Variants in RGS12 observed in about 807,000 individuals in gnomAD.
RGS12 encodes the protein regulator of G-protein signaling 12.
Under a neutral mutation model 120.1 loss-of-function variants are expected in RGS12, and 66 were observed. The observed-to-expected ratio is 0.55, with a 90% CI of 0.45 to 0.67. The LOEUF is 0.67. Among genes scored for constraint, RGS12 ranks in the 30% least tolerant of loss-of-function variants. RGS12 has a pLI of 0.00. For synonymous variants in RGS12, 827 were observed against 804.7 expected (o/e 1.03, Z -0.47); for missense variants, 1,859 against 1,957.7 (o/e 0.95, Z 0.95).
intron 1 of RGS12, among the ~76,000 whole-genome samples, chr4:3,310,828 G>A (rs867850012): frequency 3.9e-5 from 6 of 152,272 alleles, no homozygotes; most frequent in Admixed American, 6.5e-5. Flanking sequence ...AGAAGGTGGC[G>A]TGGTGTCTTG....
intron 13 of RGS12, 23 bp from the exon 14 acceptor site, chr4:3,425,441 T>C: frequency 3.8e-6 from 6 of 1,594,200 alleles, no homozygotes; most frequent in African/African-American, 1.3e-5. Context: ...GGGTAAATTA[T>C]TCAGTGCTGA....
chr4:3,407,802 T>C (rs950176629), intron 4 of RGS12, among the ~76,000 whole-genome samples: 10 of 152,224 alleles, frequency 6.6e-5, no homozygotes, highest in African/African-American at 2.4e-4. Context: ...GGGCCGTGTG[T>C]TACAGAACTA....
chr4:3,335,837 C>T (rs1277836083), intron 2 of RGS12, among the ~76,000 whole-genome samples: 3 of 152,134 alleles, frequency 2.0e-5, no homozygotes, highest in African/African-American at 7.2e-5. Flanking sequence ...TACCTGTAAT[C>T]CCAGCACTTT....
intron 2 of RGS12, among the ~76,000 whole-genome samples, chr4:3,318,928 G>T (rs1242741203): frequency 6.6e-6 from 1 of 152,220 alleles, no homozygotes; most frequent in African/African-American, 2.4e-5. Context: ...TTGTTTCAGA[G>T]AAACTACTCC....
intron 1 of RGS12, among the ~76,000 whole-genome samples, chr4:3,309,431 A>T (rs373546196): frequency 6.7e-5 from 6 of 89,060 alleles, no homozygotes; most frequent in African/African-American, 1.8e-4. Context: ...GGAACCGTGC[A>T]GGGGAGGAGC....
chr4:3,395,228 A>G (rs1719931856), intron 4 of RGS12, among the ~76,000 whole-genome samples: 1 of 151,620 alleles, frequency 6.6e-6, no homozygotes, highest in African/African-American at 2.4e-5. Context: ...AAAAAGACTC[A>G]ACGCAGCGTA....
intron 4 of RGS12, among the ~76,000 whole-genome samples, chr4:3,406,045 T>G (rs1412371590): frequency 6.6e-6 from 1 of 152,154 alleles, no homozygotes; most frequent in Non-Finnish European, 1.5e-5. Flanking sequence ...GCACTGATAG[T>G]GCCTACATCT....
At chr4:3,438,049 T>G (rs998368753) in intron 17 of RGS12, among the ~76,000 whole-genome samples, 4 of 151,672 alleles carry the variant, frequency 2.6e-5, no homozygotes, top group Non-Finnish European at 4.4e-5. Context: ...TCGAGGAGGG[T>G]CTTCACCTTC....
Position 3,389,863 on chromosome 4 carries a change from G to A in RGS12, c.2020+3426G>A, listed in dbSNP as rs1719292743. Among the ~76,000 whole-genome samples the A allele has an allele frequency of 6.6e-6, 1 of 152,142 alleles. No individual in the cohort carries two copies. The highest frequency in any genetic ancestry group is 2.1e-4 in the South Asian group (1 of 4,822). ...GCTTCTCAAACACTCCGTTCTCGCA[G>A]CCTCACCCTGGGGACCCCCGACACG... On this transcript the variant is annotated intron_variant, in intron 4 of 17. Transcript: ENST00000336727. This position sits in a 1 kb window ranked among gnomAD's most constrained non-coding sequence, Gnocchi z 5.2.
intron 3 of RGS12, among the ~76,000 whole-genome samples, chr4:3,348,168 AT>A (rs1291426050): frequency 6.6e-6 from 1 of 152,192 alleles, no homozygotes; most frequent in Non-Finnish European, 1.5e-5. Context: ...ATGCCAAAAG[AT>A]TTAAAACGCC....
chr4:3,431,162 C>T, intron 17 of RGS12: 1 of 1,415,100 alleles, frequency 7.1e-7, no homozygotes, highest in Non-Finnish European at 9.2e-7. Context: ...AGGATGGTCC[C>T]CCCGAGGCGC....
At chr4:3,343,244 T>C in intron 3 of RGS12, 191 bp downstream of exon 3, 1 of 544,494 alleles carries the variant, frequency 1.8e-6, no homozygotes, top group East Asian at 3.1e-5. Flanking sequence ...GCAATGTGTC[T>C]GAGCTGTCAC....
chr4:3,372,358 G>A lies in RGS12; in HGVS notation c.1999-14058G>A, dbSNP rs1269814688. ...ACAGGGTCCTGGGTGGGACTTTCCGGGGCAGTTCCACCTCTCCTGTGAGTT... is the reference window on the plus strand; with the variant it reads ...ACAGGGTCCTGGGTGGGACTTTCCGAGGCAGTTCCACCTCTCCTGTGAGTT... On this transcript the variant is annotated intron_variant, in intron 3 of 17. Transcript: ENST00000336727. The surrounding 1 kb of genome is among the most constrained non-coding windows in gnomAD (Gnocchi z 4.3). Among the ~76,000 whole-genome samples the A allele has an allele frequency of 6.6e-6, 1 of 152,198 alleles. No individual in the cohort carries two copies. The highest frequency in any genetic ancestry group is 1.5e-5 in the Non-Finnish European group (1 of 68,028).
chr4:3,377,981 G>A (rs762393460), intron 3 of RGS12, among the ~76,000 whole-genome samples: 11 of 152,110 alleles, frequency 7.2e-5, no homozygotes, highest in African/African-American at 1.7e-4. Flanking sequence ...TGACTTACTG[G>A]GGTCTTTTTC....
chr4:3,295,111 G>T (rs1175027435), intron 1 of RGS12, among the ~76,000 whole-genome samples: 1 of 152,156 alleles, frequency 6.6e-6, no homozygotes, highest in Non-Finnish European at 1.5e-5. Flanking sequence ...GAGGAGACCT[G>T]TGGCGCTGGG....
At chr4:3,411,561 A>G (rs1250555251) in intron 4 of RGS12, among the ~76,000 whole-genome samples, 1 of 152,262 alleles carries the variant, frequency 6.6e-6, no homozygotes, top group Non-Finnish European at 1.5e-5. Flanking sequence ...AGACACCCAT[A>G]GGCAAGTATC....
intron 3 of RGS12, among the ~76,000 whole-genome samples, chr4:3,376,249 C>CACAT (rs1717676572): frequency 1.7e-5 from 1 of 58,766 alleles, no homozygotes; most frequent in Non-Finnish European, 4.0e-5. Flanking sequence ...CTCCTTGGAA[C>CACAT]ACACACACAC....
At chr4:3,394,947 T>A (rs2109009785) in intron 4 of RGS12, among the ~76,000 whole-genome samples, 1 of 152,166 alleles carries the variant, frequency 6.6e-6, no homozygotes, top group South Asian at 2.1e-4. Flanking sequence ...GACAGGTGGA[T>A]TCCTTGAGGC....
intron 9 of RGS12, chr4:3,420,314 T>C (rs750707741): frequency 1.7e-5 from 7 of 414,008 alleles, no homozygotes; most frequent in Admixed American, 8.0e-5. Context: ...GTCTGTGCTG[T>C]GTAACTGCAC....
Sources: gnomAD v4.1 joint callset for allele counts (sites outside exome capture counted in the v4.1 genomes callset) on GRCh38, gnomAD v4.1.1 for gene constraint, Gnocchi (gnomAD v3.1) non-coding constraint, MANE v1.5 for transcripts, NCBI Gene and HGNC (gene_info 2026-07-23, HGNC 2026-07-21) for gene names.